The following EP400 variants were observed in gnomAD, a reference collection of about 807,000 sequenced individuals.
EP400 encodes the protein E1A-binding protein p400.
EP400 carries 105 observed loss-of-function variants against 354.1 expected under a neutral mutation model. The ratio of observed to expected loss-of-function variants is 0.30; its 90% CI spans 0.25 to 0.35. EP400 has a LOEUF of 0.35. Ranked by LOEUF, EP400 falls within the 10% of genes least tolerant of loss-of-function variation. The pLI is 1.00. For missense variants in EP400, 3,280 were observed against 4,121.0 expected (o/e 0.80, Z 5.59); for synonymous variants, 1,646 against 1,716.9 (o/e 0.96, Z 1.02).
chr12:131,991,239 A>G (rs578124357), intron 9 of EP400, among the ~76,000 whole-genome samples, 168 bp from the exon 10 acceptor site: 1 of 152,300 alleles, frequency 6.6e-6, no homozygotes, highest in African/African-American at 2.4e-5. Flanking sequence ...TAGAGCCACA[A>G]GTTAGTAAAA....
chr12:131,979,977 G>A (rs1892623523), intron 3 of EP400, among the ~76,000 whole-genome samples, 184 bp downstream of exon 3: 1 of 152,210 alleles, frequency 6.6e-6, no homozygotes. Flanking sequence ...GTGTCCTGAA[G>A]TGAGGAATTT....
chr12:132,057,472 C>T (rs899648020), intron 45 of EP400, among the ~76,000 whole-genome samples: 3 of 152,118 alleles, frequency 2.0e-5, no homozygotes, highest in African/African-American at 4.8e-5. Context: ...TTGCCAGATG[C>T]GGGAGGGGCT....
rs755997211 is a variant in EP400 at position 131,961,753 on chromosome 12, T to C, written c.1134T>C (p.Ala378=). 2.5e-6 allele frequency: 4 copies of C among 1,614,270 alleles called. No homozygotes were observed. The highest frequency in any genetic ancestry group is 1.7e-5 in the Admixed American group (1 of 60,030). ...ACTATCATTACCAGGAGATGCAGGCTCTGAAGGAGGTCTTCAAGGAGTATT... is the reference window on the plus strand; with the variant it reads ...ACTATCATTACCAGGAGATGCAGGCCCTGAAGGAGGTCTTCAAGGAGTATT... ...CLDYHYQEMQ[A]LKEVFKEYLI... The change falls in exon 2 of 53, where the codon GCT becomes GCC. Residue 378 remains alanine, a synonymous_variant. Coordinates refer to ENST00000389561, the MANE Select transcript of EP400 (RefSeq NM_015409.5).
At chr12:131,976,200 T>C (rs1002128348) in intron 2 of EP400, among the ~76,000 whole-genome samples, 2 of 152,224 alleles carry the variant, frequency 1.3e-5, no homozygotes, top group African/African-American at 4.8e-5. Flanking sequence ...GTCACTTTAA[T>C]ATCCTTGCCT....
chr12:131,996,502 AG>A (rs1325670350), intron 12 of EP400, among the ~76,000 whole-genome samples: 3 of 152,064 alleles, frequency 2.0e-5, no homozygotes, highest in African/African-American at 7.2e-5. Context: ...CATGTTAGCC[AG>A]GATGTTCTGC....
rs1895075069 is a variant in EP400 at position 132,045,737 on chromosome 12, A to G, written c.7037A>G (p.Gln2346Arg). Residue 2346 changes from glutamine (Q) to arginine (R), a missense_variant, in exon 39 of 53, where the codon CAG becomes CGG. By Grantham distance (43) the Gln-to-Arg change is conservative. Around this residue, in one of 20 missense-constraint regions of EP400, gnomAD observed 84 missense variants for 133.0 expected, o/e 0.63. Transcript: ENST00000389561. ...EDWALLQAVK[Q>R]LLELPLNLTI... ...AATCTCCTTCTCTAGGCTGTAAAGCAGTTACTGGAGCTGCCTTTGAACCTC... is the reference window on the plus strand; with the variant it reads ...AATCTCCTTCTCTAGGCTGTAAAGCGGTTACTGGAGCTGCCTTTGAACCTC... 1.2e-6 allele frequency: 2 copies of G among 1,614,242 alleles called. No homozygotes were observed. Among genetic ancestry groups the G allele is most frequent in the East Asian group, 4.5e-5 (2 of 44,882 alleles).
At chr12:132,069,075 G>GTT (rs1254027166) in intron 50 of EP400, 9 of 175,244 alleles carry the variant, frequency 5.1e-5, no homozygotes, top group Non-Finnish European at 1.2e-5. Flanking sequence ...GTGCATACCA[G>GTT]TTTGTTACCC....
chr12:132,029,554 A>G lies in EP400; in HGVS notation c.5382-147A>G, dbSNP rs527550132. 12 of 870,770 alleles carry G rather than the reference A, an allele frequency of 1.4e-5. No individual in the cohort carries two copies. The highest frequency in any genetic ancestry group is 5.1e-5 in the East Asian group (2 of 39,418). The allele number at this position is 870,770 out of a possible 1,614,324, so 53.9% of individuals were successfully genotyped here. On this transcript the variant is annotated intron_variant, in intron 27 of 52. Transcript: ENST00000389561. The surrounding 1 kb of genome is among the most constrained non-coding windows in gnomAD (Gnocchi z 4.7). ...TCGTTGGGCCCCTGCCCGTGTGCCA[A>G]CACCCACATCCCCATGTGACTGGGT...
At position 131,968,189 on chromosome 12, in the gene EP400, A is replaced by G. The variant is rs370716860; in HGVS notation, c.1335+6235A>G. Among the ~76,000 whole-genome samples, 322 of 152,316 alleles carry G rather than the reference A, an allele frequency of 2.1e-3. 3 individuals carry two copies. Among genetic ancestry groups the G allele is most frequent in the African/African-American group, 7.4e-3 (306 of 41,568 alleles). On this transcript the variant is annotated intron_variant, in intron 2 of 52. Transcript: ENST00000389561. ...AGCTCTGCTCAATCCAGGGTCAGAAAGATGTTCTTCTGTGTTGTCTCGTAG... is the reference window on the plus strand; with the variant it reads ...AGCTCTGCTCAATCCAGGGTCAGAAGGATGTTCTTCTGTGTTGTCTCGTAG...
At chr12:132,063,726 G>C (rs1326478096) in intron 47 of EP400, among the ~76,000 whole-genome samples, 1 of 152,148 alleles carries the variant, frequency 6.6e-6, no homozygotes, top group Non-Finnish European at 1.5e-5. Context: ...CCCTCCTGGG[G>C]CTGTCGGGAG....
intron 5 of EP400, among the ~76,000 whole-genome samples, chr12:131,984,588 C>T (rs1200165802): frequency 2.0e-5 from 3 of 152,200 alleles, no homozygotes; most frequent in Non-Finnish European, 4.4e-5. Context: ...TTGAACACTT[C>T]CTCACATCGA....
Position 132,029,534 on chromosome 12 carries a change from G to C in EP400, c.5382-167G>C. On this transcript the variant is annotated intron_variant, in intron 27 of 52. Coordinates refer to ENST00000389561, the MANE Select transcript of EP400 (RefSeq NM_015409.5). The surrounding 1 kb of genome is among the most constrained non-coding windows in gnomAD (Gnocchi z 4.7). ...AGGACTGGTTAGGATCTGCCTCGTTGGGCCCCTGCCCGTGTGCCAACACCC... is the reference window on the plus strand; with the variant it reads ...AGGACTGGTTAGGATCTGCCTCGTTCGGCCCCTGCCCGTGTGCCAACACCC... 1.4e-6 allele frequency: 1 copy of C among 697,840 alleles called. No individual in the cohort carries two copies. Among genetic ancestry groups the C allele is most frequent in the Non-Finnish European group, 2.4e-6 (1 of 418,698 alleles). 43.2% of individuals were successfully genotyped at this position (697,840 alleles called of 1,614,324 possible). A position where few individuals can be genotyped will look rare whatever the true frequency, so the allele number is the denominator to read the frequency against.
chr12:132,061,802 C>G (rs1014570348), intron 45 of EP400, among the ~76,000 whole-genome samples: 1 of 152,212 alleles, frequency 6.6e-6, no homozygotes, highest in African/African-American at 2.4e-5. Flanking sequence ...TCGTTACGTT[C>G]CTGGGGACCA....
Position 132,066,802 on chromosome 12 carries a change from C to T in EP400, c.8582C>T (p.Ala2861Val), listed in dbSNP as rs1447146326. ...LTRVPTSQLQAQGQMQTQAPQ... is the reference protein window; with the variant it reads ...LTRVPTSQLQVQGQMQTQAPQ... ...CGGGTTCCCACTTCTCAGCTGCAGG[C>T]GCAAGGGCAGATGCAGACCCAGGCA... The change falls in exon 49 of 53, where the codon GCG (alanine) becomes GTG (valine). Residue 2861 changes from alanine to valine, a missense_variant. Ala to Val is a moderately conservative substitution (Grantham distance 64). Around this residue, in one of 20 missense-constraint regions of EP400, gnomAD observed 279 missense variants for 386.7 expected, o/e 0.72. Transcript: ENST00000389561. 12 of 1,613,864 alleles carry T rather than the reference C, an allele frequency of 7.4e-6. No homozygotes were observed. The highest frequency in any genetic ancestry group is 1.3e-5 in the African/African-American group (1 of 74,912).
At position 131,990,200 on chromosome 12, in the gene EP400, A is replaced by G; in HGVS notation, c.2550+96A>G. The G allele has an allele frequency of 6.9e-7, 1 of 1,442,318 alleles. No homozygotes were observed. The highest frequency in any genetic ancestry group is 9.3e-7 in the Non-Finnish European group (1 of 1,073,178). 89.3% of individuals were successfully genotyped at this position (1,442,318 alleles called of 1,614,324 possible). On this transcript the variant is annotated intron_variant, in intron 8 of 52. Transcript: ENST00000389561. This position sits in a 1 kb window ranked among gnomAD's most constrained non-coding sequence, Gnocchi z 4.2. The stretch of plus-strand genomic sequence containing the variant: ...CAGAGCTCGGGCACCTTGCTTAGGA[A>G]GCTTTCGAGCACCAGAGTCAGCAAC...
chr12:132,047,718 A>G (rs1895154415), intron 39 of EP400, among the ~76,000 whole-genome samples: 1 of 152,218 alleles, frequency 6.6e-6, no homozygotes, highest in Non-Finnish European at 1.5e-5. Flanking sequence ...CATTGATAAC[A>G]TCTTATCAGG....
chr12:131,966,528 A>C (rs1384569169), intron 2 of EP400, among the ~76,000 whole-genome samples: 1 of 143,936 alleles, frequency 6.9e-6, no homozygotes, highest in East Asian at 2.1e-4. Context: ...GCGCCACTGC[A>C]CACCAGCCTG....
At chr12:131,995,377 C>T (rs2136509220) in intron 12 of EP400, among the ~76,000 whole-genome samples, 1 of 150,994 alleles carries the variant, frequency 6.6e-6, no homozygotes, top group East Asian at 2.0e-4. Flanking sequence ...CCCACCACAG[C>T]TTGACTGAAT....
At position 132,029,453 on chromosome 12, in the gene EP400, T is replaced by C. The variant is rs1015637387; in HGVS notation, c.5382-248T>C. The C allele has an allele frequency of 9.1e-6, 5 of 549,112 alleles. No individual in the cohort carries two copies. The highest frequency in any genetic ancestry group is 1.6e-5 in the Non-Finnish European group (5 of 309,060). The allele number at this position is 549,112 out of a possible 1,614,324, so 34.0% of individuals were successfully genotyped here. A position where few individuals can be genotyped will look rare whatever the true frequency, so the allele number is the denominator to read the frequency against. ...CTGCGGCCTAGGGAATCCACCCCCA[T>C]TGATCCATCAGCCCTGGACTGTCTG... On this transcript the variant is annotated intron_variant, in intron 27 of 52. Coordinates refer to ENST00000389561, the MANE Select transcript of EP400 (RefSeq NM_015409.5). This position sits in a 1 kb window ranked among gnomAD's most constrained non-coding sequence, Gnocchi z 4.7.
Sources: gnomAD v4.1 joint callset for allele counts (sites outside exome capture counted in the v4.1 genomes callset) on GRCh38, gnomAD v4.1.1 for gene constraint, gnomAD v4.1.1 regional missense constraint, Gnocchi (gnomAD v3.1) non-coding constraint, MANE v1.5 for transcripts, NCBI Gene and HGNC (gene_info 2026-07-23, HGNC 2026-07-21) for gene names.